Variants in GALNT1 observed in about 807,000 individuals in gnomAD.
The protein encoded by GALNT1 is polypeptide N-acetylgalactosaminyltransferase 1.
GALNT1 carries 17 observed loss-of-function variants against 65.7 expected under a neutral mutation model. The observed-to-expected ratio is 0.26, with a 90% CI of 0.18 to 0.39. The LOEUF (loss-of-function observed/expected upper bound fraction) is 0.39. GALNT1 is among the 10% of genes least tolerant of loss of function. GALNT1 has a pLI of 1.00. For missense variants in GALNT1, 460 were observed against 672.8 expected (o/e 0.68, Z 3.50); for synonymous variants, 210 against 219.7 (o/e 0.96, Z 0.39).
intron 1 of GALNT1, among the ~76,000 whole-genome samples, chr18:35,647,739 A>C (rs1457563261): frequency 1.3e-5 from 2 of 152,106 alleles, no homozygotes; most frequent in African/African-American, 4.8e-5. Flanking sequence ...AAGAGAATGA[A>C]GCTTTGTTTT....
At chr18:35,690,353 C>T (rs1272454659) in intron 7 of GALNT1, among the ~76,000 whole-genome samples, 2 of 152,092 alleles carry the variant, frequency 1.3e-5, no homozygotes, top group Non-Finnish European at 2.9e-5. Flanking sequence ...GAGGGGTGAA[C>T]AGATGAGCAT....
chr18:35,650,220 A>AC (rs1274485744), intron 1 of GALNT1, among the ~76,000 whole-genome samples: 1 of 152,174 alleles, frequency 6.6e-6, no homozygotes, highest in African/African-American at 2.4e-5. Flanking sequence ...TCACGTCAGC[A>AC]GGTTCCGTGA....
intron 5 of GALNT1, 106 bp from the exon 6 acceptor site, chr18:35,686,910 C>A: frequency 8.7e-7 from 1 of 1,145,668 alleles, no homozygotes; most frequent in Non-Finnish European, 1.2e-6. Flanking sequence ...TACCCTGTTT[C>A]AAGGGAAAAA....
At chr18:35,626,967 A>C (rs1367112825) in intron 1 of GALNT1, among the ~76,000 whole-genome samples, 2 of 152,222 alleles carry the variant, frequency 1.3e-5, no homozygotes, top group Admixed American at 6.5e-5. Context: ...AGCTAGAGGA[A>C]TAGAATGACC....
intron 1 of GALNT1, among the ~76,000 whole-genome samples, chr18:35,635,435 A>C (rs1434335134): frequency 6.6e-6 from 1 of 152,186 alleles, no homozygotes; most frequent in African/African-American, 2.4e-5. Context: ...ATCCTGACTC[A>C]CTGCCTGGAG....
At chr18:35,592,943 C>T (rs2046462352) in intron 1 of GALNT1, among the ~76,000 whole-genome samples, 3 of 152,268 alleles carry the variant, frequency 2.0e-5, no homozygotes, top group Middle Eastern at 6.8e-3. Context: ...GTCTGCCTAC[C>T]ACCTGAAAAG....
At chr18:35,701,266 G>A (rs1278647422) in intron 9 of GALNT1, among the ~76,000 whole-genome samples, 1 of 152,098 alleles carries the variant, frequency 6.6e-6, no homozygotes, top group Non-Finnish European at 1.5e-5. Flanking sequence ...TAGAGACAAG[G>A]TCTTGCTATG....
At chr18:35,596,343 T>C (rs1426696518) in intron 1 of GALNT1, 1 of 152,208 alleles carries the variant, frequency 6.6e-6, no homozygotes, top group Non-Finnish European at 1.5e-5. Flanking sequence ...TGTTGAAGGC[T>C]TTAAACCTGA....
chr18:35,707,422 T>C (rs541068555), intron 11 of GALNT1, among the ~76,000 whole-genome samples: 1 of 152,190 alleles, frequency 6.6e-6, no homozygotes, highest in Non-Finnish European at 1.5e-5. Flanking sequence ...TGAGGAGTGC[T>C]GTGATGACAG....
chr18:35,667,010 A>G (rs970627435), intron 3 of GALNT1, among the ~76,000 whole-genome samples: 7 of 152,228 alleles, frequency 4.6e-5, no homozygotes, highest in Non-Finnish European at 8.8e-5. Flanking sequence ...AAATAGAGAT[A>G]ATAATGTAAT....
intron 1 of GALNT1, among the ~76,000 whole-genome samples, chr18:35,648,687 C>G (rs192171997): frequency 1.3e-5 from 2 of 152,278 alleles, no homozygotes; most frequent in Non-Finnish European, 2.9e-5. Flanking sequence ...CTTTGTAAAA[C>G]TGGCATTGTT....
At chr18:35,670,577 A>G (rs1018040435) in intron 3 of GALNT1, among the ~76,000 whole-genome samples, 1 of 152,214 alleles carries the variant, frequency 6.6e-6, no homozygotes, top group East Asian at 1.9e-4. Flanking sequence ...TTCTTTCTAC[A>G]TTCATTAGTA....
chr18:35,630,973 C>T (rs1484355160), intron 1 of GALNT1, among the ~76,000 whole-genome samples: 2 of 152,174 alleles, frequency 1.3e-5, no homozygotes, highest in South Asian at 2.1e-4. Flanking sequence ...ATAAATTCCT[C>T]GACACATACA....
At chr18:35,623,454 T>G (rs2046880692) in intron 1 of GALNT1, among the ~76,000 whole-genome samples, 1 of 152,152 alleles carries the variant, frequency 6.6e-6, no homozygotes, top group South Asian at 2.1e-4. Context: ...ATTTGCAATT[T>G]TGTTCTTCCC....
chr18:35,620,297 T>G (rs2046835102), intron 1 of GALNT1, among the ~76,000 whole-genome samples: 1 of 152,164 alleles, frequency 6.6e-6, no homozygotes, highest in African/African-American at 2.4e-5. Flanking sequence ...TTGGTCCCTT[T>G]AAAAATCTTT....
intron 9 of GALNT1, among the ~76,000 whole-genome samples, chr18:35,697,726 G>T (rs1265888727): frequency 1.3e-5 from 2 of 152,128 alleles, no homozygotes; most frequent in Non-Finnish European, 2.9e-5. Flanking sequence ...TGAAAGTGTG[G>T]ATATTCACAC....
At chr18:35,627,514 T>C (rs988906255) in intron 1 of GALNT1, 2 of 152,228 alleles carry the variant, frequency 1.3e-5, no homozygotes, top group Admixed American at 6.5e-5. Context: ...TGAATGACTT[T>C]AGGGCTCTAC....
chr18:35,643,525 A>G (rs1191953051), intron 1 of GALNT1, among the ~76,000 whole-genome samples: 1 of 152,216 alleles, frequency 6.6e-6, no homozygotes, highest in Non-Finnish European at 1.5e-5. Flanking sequence ...ACACTTTGGG[A>G]GGCCGAGGCA....
intron 1 of GALNT1, among the ~76,000 whole-genome samples, chr18:35,593,311 T>C (rs113354302): frequency 6.9e-4 from 105 of 152,320 alleles, no homozygotes; most frequent in Admixed American, 3.1e-3. Context: ...ATTCTTTCTC[T>C]GCTCTCTGTA....
Sources: allele counts gnomAD v4.1 joint callset (sites outside exome capture counted in the v4.1 genomes callset), GRCh38; gene constraint gnomAD v4.1.1; transcripts MANE v1.5; gene names NCBI Gene and HGNC (gene_info 2026-07-23, HGNC 2026-07-21).